Variants in SPOCK3 observed in about 807,000 individuals in gnomAD.
SPOCK3 encodes the protein SPARC (osteonectin), cwcv and kazal like domains proteoglycan 3, also known as testican-3.
In SPOCK3, 30 loss-of-function variants were observed where a neutral mutation model predicts 56.6. The observed-to-expected ratio is 0.53, with a 90% confidence interval of 0.40 to 0.72. The LOEUF (loss-of-function observed/expected upper bound fraction) is 0.72, where lower values mean the gene tolerates loss of function less well. Ranked by LOEUF, SPOCK3 falls within the 30% of genes least tolerant of loss-of-function variation. The probability of loss-of-function intolerance (pLI) is 0.00; values close to 1 mark genes in which losing one functional copy is unlikely to be tolerated. For missense variants in SPOCK3, 527 were observed against 530.0 expected (o/e 0.99, Z 0.06); for synonymous variants, 196 against 183.3 (o/e 1.07, Z -0.56).
At chr4:167,204,482 T>G (rs908629703) in intron 2 of SPOCK3, among the ~76,000 whole-genome samples, 1 of 152,078 alleles carries the variant, frequency 6.6e-6, no homozygotes, top group East Asian at 1.9e-4. Flanking sequence ...GGGGAAATGC[T>G]AGACACTTAT....
At chr4:166,909,583 C>T (rs991611818) in intron 5 of SPOCK3, among the ~76,000 whole-genome samples, 8 of 152,148 alleles carry the variant, frequency 5.3e-5, no homozygotes, top group African/African-American at 1.9e-4. Context: ...ATAGGAAAGG[C>T]TTCCACAGCA....
chr4:167,186,920 T>C (rs1580553633), intron 2 of SPOCK3, among the ~76,000 whole-genome samples: 1 of 142,636 alleles, frequency 7.0e-6, no homozygotes, highest in South Asian at 2.2e-4. Flanking sequence ...GAGGCTGCAG[T>C]GAGCCGAGAT....
intron 7 of SPOCK3, among the ~76,000 whole-genome samples, chr4:166,769,037 T>A (rs1212745787): frequency 6.6e-6 from 1 of 152,244 alleles, no homozygotes; most frequent in Non-Finnish European, 1.5e-5. Flanking sequence ...TTCAGCTCTA[T>A]CAGGTGATTT....
chr4:166,793,474 A>C (rs1741570640), intron 6 of SPOCK3, among the ~76,000 whole-genome samples: 1 of 152,200 alleles, frequency 6.6e-6, no homozygotes, highest in African/African-American at 2.4e-5. Context: ...AACATCTCAT[A>C]ATGTTTTAAG....
chr4:166,815,300 T>C, intron 6 of SPOCK3, among the ~76,000 whole-genome samples: 1 of 150,358 alleles, frequency 6.7e-6, no homozygotes, highest in Admixed American at 6.6e-5. Flanking sequence ...CACAAAACTG[T>C]ATAATTACAA....
At chr4:166,735,126 G>C in intron 10 of SPOCK3, 36 bp from the exon 11 acceptor site, 4 of 1,286,310 alleles carry the variant, frequency 3.1e-6, no homozygotes, top group Non-Finnish European at 4.4e-6. Flanking sequence ...ACCTTTATTT[G>C]ACTGAATACT....
chr4:167,175,575 G>A (rs368118152), intron 2 of SPOCK3, among the ~76,000 whole-genome samples: 2 of 151,982 alleles, frequency 1.3e-5, no homozygotes, highest in African/African-American at 2.4e-5. Flanking sequence ...CATTAGAGTG[G>A]GCCTATATAC....
At chr4:166,749,649 A>G (rs186093446) in intron 8 of SPOCK3, among the ~76,000 whole-genome samples, 2 of 151,988 alleles carry the variant, frequency 1.3e-5, no homozygotes, top group South Asian at 2.1e-4. Flanking sequence ...AAAATAAAAA[A>G]AAATAAAAAT....
At chr4:167,130,211 C>T (rs552601186) in intron 2 of SPOCK3, among the ~76,000 whole-genome samples, 14 of 152,270 alleles carry the variant, frequency 9.2e-5, no homozygotes, top group African/African-American at 3.4e-4. Context: ...AGCAATCCTC[C>T]TGCCTCAGCC....
intron 6 of SPOCK3, among the ~76,000 whole-genome samples, chr4:166,794,593 C>CCCTTGA (rs1193397176): frequency 6.6e-6 from 1 of 151,208 alleles, no homozygotes; most frequent in Non-Finnish European, 1.5e-5. Context: ...ATGCATCTAA[C>CCCTTGA]CCTTGACCCA....
chr4:167,048,238 CTCA>C (rs996661000), intron 3 of SPOCK3, among the ~76,000 whole-genome samples: 3 of 151,340 alleles, frequency 2.0e-5, no homozygotes, highest in African/African-American at 7.3e-5. Flanking sequence ...ACATGTTCAA[CTCA>C]TCATCTTTCT....
At chr4:166,842,506 T>A (rs1012249115) in intron 6 of SPOCK3, among the ~76,000 whole-genome samples, 1 of 152,086 alleles carries the variant, frequency 6.6e-6, no homozygotes, top group Non-Finnish European at 1.5e-5. Flanking sequence ...GATTGGTGCA[T>A]TTACAAACCT....
chr4:166,997,485 A>G (rs1208680730), intron 4 of SPOCK3, among the ~76,000 whole-genome samples: 2 of 152,156 alleles, frequency 1.3e-5, no homozygotes, highest in Non-Finnish European at 1.5e-5. Flanking sequence ...TTAAACCTAG[A>G]TTATCTAGAT....
At chr4:166,876,924 T>G (rs1733151854) in intron 6 of SPOCK3, among the ~76,000 whole-genome samples, 1 of 143,880 alleles carries the variant, frequency 7.0e-6, no homozygotes, top group Admixed American at 6.7e-5. Flanking sequence ...ATAACTTTAA[T>G]AATAATTTAT....
chr4:167,172,084 A>T (rs1431331865), intron 2 of SPOCK3, among the ~76,000 whole-genome samples: 1 of 152,174 alleles, frequency 6.6e-6, no homozygotes, highest in Non-Finnish European at 1.5e-5. Context: ...GCGAGTCTCT[A>T]GGCAGAGCAG....
At chr4:166,937,449 A>T (rs1052445234) in intron 4 of SPOCK3, among the ~76,000 whole-genome samples, 8 of 148,908 alleles carry the variant, frequency 5.4e-5, no homozygotes, top group Non-Finnish European at 1.0e-4. Flanking sequence ...ATGTTGTGAT[A>T]AACACTCCTT....
At chr4:167,073,457 T>G (rs1756885703) in intron 2 of SPOCK3, among the ~76,000 whole-genome samples, 1 of 151,816 alleles carries the variant, frequency 6.6e-6, no homozygotes, top group Non-Finnish European at 1.5e-5. Context: ...CATTCATTGT[T>G]TCATTATTGA....
At chr4:167,176,504 C>T (rs188323021) in intron 2 of SPOCK3, among the ~76,000 whole-genome samples, 63 of 152,176 alleles carry the variant, frequency 4.1e-4, no homozygotes, top group African/African-American at 1.5e-3. Context: ...ATGAATTGCT[C>T]TAGTCTAAAT....
chr4:167,099,222 A>C (rs1253369214), intron 2 of SPOCK3, among the ~76,000 whole-genome samples: 2 of 151,948 alleles, frequency 1.3e-5, no homozygotes, highest in African/African-American at 2.4e-5. Flanking sequence ...AAAAGCATAA[A>C]ACTGCAAGAT....
Sources: allele counts gnomAD v4.1 joint callset (sites outside exome capture counted in the v4.1 genomes callset), GRCh38; gene constraint gnomAD v4.1.1; transcripts MANE v1.5; gene names NCBI Gene and HGNC (gene_info 2026-07-23, HGNC 2026-07-21).